The following VPS13C variants were observed in gnomAD, a reference collection of about 807,000 sequenced individuals.
VPS13C encodes the protein vacuolar protein sorting 13 homolog C, also known as intermembrane lipid transfer protein VPS13C.
A neutral mutation model predicts 456.8 loss-of-function variants in VPS13C; 358 were observed. That is an observed-to-expected ratio of 0.78 (90% CI 0.72 to 0.86). The LOEUF (loss-of-function observed/expected upper bound fraction) is 0.86, where lower values mean the gene tolerates loss of function less well. VPS13C is among the 40% of genes least tolerant of loss of function. The pLI, the probability that VPS13C is intolerant of heterozygous loss-of-function variation, is 0.00. For synonymous variants in VPS13C, 1,578 were observed against 1,486.7 expected (o/e 1.06, Z -1.41); for missense variants, 4,818 against 4,385.4 (o/e 1.10, Z -2.79).
chr15:62,020,414 T>A, intron 9 of VPS13C, 65 bp downstream of exon 9: 3 of 1,399,584 alleles, frequency 2.1e-6, no homozygotes, highest in Non-Finnish European at 2.9e-6. Context: ...CTAGACAATT[T>A]ACCCTGTGAC....
chr15:62,017,084 CTTCTT>C (rs1339496643), intron 9 of VPS13C, among the ~76,000 whole-genome samples: 1 of 152,158 alleles, frequency 6.6e-6, no homozygotes, highest in African/African-American at 2.4e-5. Flanking sequence ...TGAGAAGCGT[CTTCTT>C]TTGAGAAGTG....
At chr15:61,971,983 T>G (rs1170267249) in intron 27 of VPS13C, among the ~76,000 whole-genome samples, 1 of 152,228 alleles carries the variant, frequency 6.6e-6, no homozygotes, top group Admixed American at 6.5e-5. Flanking sequence ...AGACAAATTT[T>G]TTATAGAAAT....
In VPS13C at chr15:61,970,294, G is replaced by A. The variant is rs576502620; in HGVS notation, c.2758-842C>T. ...CCCCAGTCAACATCAGAATGCAACC[G>A]AATGAAAGACTATGCACAAAATTAC... is the stretch of plus-strand genomic sequence containing the variant. On this transcript the variant is annotated intron_variant, in intron 27 of 84. Transcript: ENST00000644861. Among the ~76,000 whole-genome samples, 105 of 152,234 alleles carry A rather than the reference G, an allele frequency of 6.9e-4. 3 individuals carry two copies. In the South Asian group the frequency reaches 0.021, roughly 30 times the overall value.
chr15:61,996,564 G>C (rs1467875179), intron 16 of VPS13C, among the ~76,000 whole-genome samples: 5 of 152,000 alleles, frequency 3.3e-5, no homozygotes, highest in African/African-American at 1.2e-4. Flanking sequence ...CTGATAGCTG[G>C]AACTATCAGA....
Position 61,962,450 on chromosome 15 carries a change from G to A in VPS13C, c.3524C>T (p.Ser1175Phe), listed in dbSNP as rs369780892. ...CAGAGACAGCACACCATCCACTTTGGACATGTCAGTATACAAATCCCCCTC... is the reference window on the plus strand; with the variant it reads ...CAGAGACAGCACACCATCCACTTTGAACATGTCAGTATACAAATCCCCCTC... ...ATEGDLYTDM[S>F]KVDGVLSLNV... Residue 1175 changes from serine (S) to phenylalanine (F), a missense_variant, in exon 34 of 85, where the codon TCC becomes TTC. By Grantham distance (155) the Ser-to-Phe change is radical. Around this residue, in one of 3 missense-constraint regions of VPS13C, gnomAD observed 4,552 missense variants for 4,130.6 expected, o/e 1.10. Transcript: ENST00000644861. 5.6e-6 allele frequency: 9 copies of A among 1,611,818 alleles called. No homozygotes were observed. In the South Asian group the frequency reaches 8.8e-5, roughly 16 times the overall value.
intron 16 of VPS13C, among the ~76,000 whole-genome samples, chr15:61,992,255 A>G (rs1596442776): frequency 6.6e-6 from 1 of 152,196 alleles, no homozygotes; most frequent in Admixed American, 6.5e-5. Flanking sequence ...AGAAGGAGGG[A>G]TATAAATTAA....
intron 9 of VPS13C, among the ~76,000 whole-genome samples, chr15:62,018,716 G>A (rs538743974): frequency 0.024 from 3,597 of 151,910 alleles, 157 homozygotes; most frequent in African/African-American, 0.083. Context: ...TTTTTGCATC[G>A]ATGTTCATCA....
At chr15:61,930,224 CA>C (rs2044010239) in intron 50 of VPS13C, among the ~76,000 whole-genome samples, 1 of 152,196 alleles carries the variant, frequency 6.6e-6, no homozygotes, top group Non-Finnish European at 1.5e-5. Context: ...CAACTCAAAT[CA>C]TCAAGTGTTT....
Position 61,917,435 on chromosome 15 carries a change from T to G in VPS13C, c.7961A>C (p.His2654Pro). The change falls in exon 60 of 85, where the codon CAT (histidine) becomes CCT (proline). Residue 2654 changes from histidine (H) to proline (P), a missense_variant. His to Pro is a moderately conservative substitution (Grantham distance 77, BLOSUM62 -2). Transcript: ENST00000644861. ...GTAAGCTACATCCCAGTCTTCCCCA[T>G]GTGTACATATGTAGCTCAATTCATC... ...LPDELSYICT[H>P]GEDWDVAYII... is the part of the protein sequence containing the mutation. The G allele has an allele frequency of 6.2e-7, 1 of 1,614,034 alleles. No individual in the cohort carries two copies. The highest frequency in any genetic ancestry group is 2.2e-5 in the East Asian group (1 of 44,864).
At chr15:61,937,343 T>C (rs1824356809) in intron 47 of VPS13C, among the ~76,000 whole-genome samples, 1 of 152,238 alleles carries the variant, frequency 6.6e-6, no homozygotes, top group African/African-American at 2.4e-5. Flanking sequence ...TCTTATCTTT[T>C]ACCTTCATAA....
rs940763835 is a variant in VPS13C, at chr15:62,012,982, T to C, written c.825+57A>G. ...TGTCCTCATGAAGGCCCTCTTATAT[T>C]AAACAAATTTAGGGATGGGAGTGAA... is the stretch of plus-strand genomic sequence containing the variant. On this transcript the variant is annotated intron_variant, in intron 11 of 84. Coordinates refer to ENST00000644861, the MANE Select transcript of VPS13C (RefSeq NM_020821.3). The C allele has an allele frequency of 9.5e-6, 13 of 1,367,144 alleles. No homozygotes were observed. The African/African-American group carries it at 1.6e-4, about 17-fold the overall frequency. 84.7% of individuals were successfully genotyped at this position (1,367,144 alleles called of 1,614,324 possible).
chr15:61,986,388 T>C (rs1260057044), intron 18 of VPS13C, among the ~76,000 whole-genome samples: 2 of 152,042 alleles, frequency 1.3e-5, no homozygotes, highest in Non-Finnish European at 2.9e-5. Flanking sequence ...AAGAATTCAA[T>C]AAATGAGTTT....
chr15:61,881,029 A>G, intron 71 of VPS13C, 75 bp from the exon 72 acceptor site: 1 of 1,217,978 alleles, frequency 8.2e-7, no homozygotes, highest in Non-Finnish European at 1.2e-6. Flanking sequence ...CTTTGATTTC[A>G]GTGAAAAGCC....
At position 61,978,648 on chromosome 15, in the gene VPS13C, T is replaced by C. The variant is rs761566614; in HGVS notation, c.2268A>G (p.Val756=). The C allele has an allele frequency of 2.5e-6, 4 of 1,611,578 alleles. No individual in the cohort carries two copies. The highest frequency in any genetic ancestry group is 3.4e-6 in the Non-Finnish European group (4 of 1,179,302). ...TACCTGCTCTTGCAAAAAGTAGTTG[T>C]ACATTTTTTATTTCAACATCAAACT... ...YDKFDVEIKN[V]QLLFARAEET... is the part of the protein sequence containing the mutation. Residue 756 remains valine (V), a synonymous_variant, in exon 23 of 85, where the codon GTA becomes GTG. Coordinates refer to ENST00000644861, the MANE Select transcript of VPS13C (RefSeq NM_020821.3).
chr15:62,040,138 A>T (rs2048192396), intron 3 of VPS13C, among the ~76,000 whole-genome samples: 1 of 152,186 alleles, frequency 6.6e-6, no homozygotes, highest in African/African-American at 2.4e-5. Context: ...GTTCTCACTT[A>T]CTTGTGGGAA....
chr15:61,865,740 A>G (rs1894525537), intron 81 of VPS13C: 2 of 563,250 alleles, frequency 3.6e-6, no homozygotes, highest in South Asian at 7.9e-5. Flanking sequence ...GTGTGTATGT[A>G]TATCTGTATG....
intron 53 of VPS13C, among the ~76,000 whole-genome samples, chr15:61,924,073 A>G (rs2043757315): frequency 1.3e-5 from 2 of 151,214 alleles, no homozygotes; most frequent in Admixed American, 1.3e-4. Context: ...TCACCGTTTT[A>G]GCCGGGATGG....
At chr15:61,856,818 A>G (rs1432261041) in intron 82 of VPS13C, 2 of 155,658 alleles carry the variant, frequency 1.3e-5, no homozygotes, top group African/African-American at 5.0e-5. Context: ...AAAATGTTTT[A>G]CTTGGAAAAT....
chr15:62,048,428 T>G (rs529224852), intron 1 of VPS13C, among the ~76,000 whole-genome samples: 1 of 152,258 alleles, frequency 6.6e-6, no homozygotes, highest in South Asian at 2.1e-4. Flanking sequence ...ACAAAGGACA[T>G]GAACTCATCC....
Sources: allele counts gnomAD v4.1 joint callset (sites outside exome capture counted in the v4.1 genomes callset), GRCh38; gene constraint gnomAD v4.1.1; regional missense constraint gnomAD v4.1.1; transcripts MANE v1.5; gene names NCBI Gene and HGNC (gene_info 2026-07-23, HGNC 2026-07-21).